Variants in ADK observed in about 807,000 individuals in gnomAD.
ADK encodes the protein N6,N6-dimethyladenosine kinase.
A neutral mutation model predicts 44.7 loss-of-function variants in ADK; 24 were observed. The ratio of observed to expected loss-of-function variants is 0.54; its 90% CI spans 0.39 to 0.76. The LOEUF (loss-of-function observed/expected upper bound fraction) is 0.76, where lower values mean the gene tolerates loss of function less well. Ranked by LOEUF, ADK falls within the 30% of genes least tolerant of loss-of-function variation. The pLI, the probability that ADK is intolerant of heterozygous loss-of-function variation, is 0.00. For synonymous variants in ADK, 128 were observed against 142.6 expected (o/e 0.90, Z 0.73); for missense variants, 321 against 425.1 (o/e 0.76, Z 2.15).
intron 3 of ADK, among the ~76,000 whole-genome samples, chr10:74,239,459 C>T (rs180751750): frequency 1.8e-4 from 28 of 152,150 alleles, no homozygotes; most frequent in African/African-American, 6.0e-4. Flanking sequence ...CCTGTAATCC[C>T]ACCACTTTGG....
chr10:74,519,677 T>G (rs1848729682), intron 6 of ADK, among the ~76,000 whole-genome samples: 1 of 151,972 alleles, frequency 6.6e-6, no homozygotes, highest in South Asian at 2.1e-4. Context: ...GTTTCTTTAG[T>G]TACTAGAGAG....
chr10:74,374,182 T>C (rs1277311689), intron 4 of ADK, among the ~76,000 whole-genome samples: 1 of 151,722 alleles, frequency 6.6e-6, no homozygotes, highest in Admixed American at 6.6e-5. Context: ...TTTTGGGGGG[T>C]GTTGAAAAAT....
At chr10:74,412,916 G>C (rs776972500) in intron 6 of ADK, among the ~76,000 whole-genome samples, 5 of 152,126 alleles carry the variant, frequency 3.3e-5, no homozygotes, top group Non-Finnish European at 7.3e-5. Flanking sequence ...AAATGAGCTG[G>C]GCATGGTGGT....
intron 3 of ADK, among the ~76,000 whole-genome samples, chr10:74,308,489 T>G (rs1253201090): frequency 2.0e-5 from 3 of 152,200 alleles, no homozygotes; most frequent in African/African-American, 7.2e-5. Flanking sequence ...GGTAAAAGAT[T>G]TCAAAGCTTT....
intron 7 of ADK, among the ~76,000 whole-genome samples, chr10:74,561,324 G>T (rs1850449990): frequency 6.6e-6 from 1 of 152,178 alleles, no homozygotes; most frequent in Non-Finnish European, 1.5e-5. Flanking sequence ...GCTAGATGTT[G>T]TCAAACCTGA....
chr10:74,192,448 G>T (rs1016624677), intron 1 of ADK, among the ~76,000 whole-genome samples: 1 of 151,368 alleles, frequency 6.6e-6, no homozygotes, highest in Non-Finnish European at 1.5e-5. Context: ...GGCTAGTCTC[G>T]AACTCCTGAC....
rs1423723334 is a variant in ADK at position 74,151,229 on chromosome 10, G to A, written c.-50G>A. ...TGCGAAGAGGGGGCGGGACCAGAGA[G>A]TGGATGGCAGAGGTGGGCTGTAGAG... On this transcript the variant is annotated 5_prime_UTR_variant, in exon 1 of 11. It adds an upstream start codon to the 5' untranslated region. Transcript: ENST00000539909. The A allele has an allele frequency of 1.3e-6, 2 of 1,544,374 alleles. No homozygotes were observed. Among genetic ancestry groups the A allele is most frequent in the Non-Finnish European group, 1.8e-6 (2 of 1,142,164 alleles).
chr10:74,203,662 A>G (rs1843480850), intron 2 of ADK, among the ~76,000 whole-genome samples: 1 of 152,068 alleles, frequency 6.6e-6, no homozygotes, highest in African/African-American at 2.4e-5. Flanking sequence ...GGCATTAGCC[A>G]CCATACCTGG....
At chr10:74,440,677 A>G (rs1845374698) in intron 6 of ADK, among the ~76,000 whole-genome samples, 1 of 152,162 alleles carries the variant, frequency 6.6e-6, no homozygotes, top group South Asian at 2.1e-4. Flanking sequence ...TCAAAGGCAC[A>G]CTGAGAACTA....
At chr10:74,527,913 C>A in intron 7 of ADK, 2 of 796,088 alleles carry the variant, frequency 2.5e-6, no homozygotes, top group South Asian at 1.4e-5. Flanking sequence ...TGAAAGCTGT[C>A]ATCTATAGGT....
chr10:74,617,699 A>G (rs1334254210), intron 9 of ADK, among the ~76,000 whole-genome samples: 1 of 151,922 alleles, frequency 6.6e-6, no homozygotes, highest in African/African-American at 2.4e-5. Context: ...GGGCTCAAGC[A>G]GTCCTCCCAC....
intron 9 of ADK, 95 bp from the exon 10 acceptor site, chr10:74,670,085 AATG>A: frequency 2.1e-6 from 2 of 940,052 alleles, no homozygotes; most frequent in Non-Finnish European, 3.5e-6. Flanking sequence ...TCTCTCTTTG[AATG>A]ATGAGTGATG....
intron 9 of ADK, among the ~76,000 whole-genome samples, chr10:74,666,903 T>C (rs930852719): frequency 4.0e-5 from 6 of 149,856 alleles, no homozygotes; most frequent in Non-Finnish European, 8.9e-5. Flanking sequence ...TGATCTCTGC[T>C]CACTGCAACC....
intron 6 of ADK, among the ~76,000 whole-genome samples, chr10:74,466,579 C>T (rs1030334279): frequency 6.6e-6 from 1 of 152,146 alleles, no homozygotes; most frequent in African/African-American, 2.4e-5. Flanking sequence ...TTACTAGTCC[C>T]TTGCAGCACT....
intron 6 of ADK, among the ~76,000 whole-genome samples, chr10:74,410,912 T>G (rs564662621): frequency 6.6e-6 from 1 of 152,306 alleles, no homozygotes; most frequent in South Asian, 2.1e-4. Context: ...AAAGTATTTT[T>G]GGAATTTATT....
intron 3 of ADK, among the ~76,000 whole-genome samples, chr10:74,281,492 G>A (rs1294667697): frequency 2.0e-5 from 3 of 152,122 alleles, no homozygotes; most frequent in Non-Finnish European, 2.9e-5. Context: ...CTTTGAAACC[G>A]TTAGGGGACA....
intron 6 of ADK, among the ~76,000 whole-genome samples, chr10:74,512,402 CTT>C (rs36119808): frequency 1.1e-4 from 14 of 128,502 alleles, no homozygotes; most frequent in Admixed American, 1.5e-4. Flanking sequence ...CAGTTCTGGA[CTT>C]TTTTTTTTTT....
intron 6 of ADK, among the ~76,000 whole-genome samples, chr10:74,456,602 G>T (rs555256201): frequency 2.1e-5 from 3 of 144,046 alleles, no homozygotes; most frequent in Non-Finnish European, 4.5e-5. Flanking sequence ...GGGAGGCGGA[G>T]CTTGCAGTGA....
intron 6 of ADK, among the ~76,000 whole-genome samples, chr10:74,507,607 C>T (rs1848134439): frequency 6.6e-6 from 1 of 151,600 alleles, no homozygotes; most frequent in Admixed American, 6.6e-5. Context: ...GTGAAATCCC[C>T]TCTCAAAAAA....
Sources: allele counts gnomAD v4.1 joint callset (sites outside exome capture counted in the v4.1 genomes callset), GRCh38; gene constraint gnomAD v4.1.1; transcripts MANE v1.5; gene names NCBI Gene and HGNC (gene_info 2026-07-23, HGNC 2026-07-21).